The following PPM1L variants were observed in gnomAD, a reference collection of about 807,000 sequenced individuals.
PPM1L encodes the protein protein phosphatase 1L.
PPM1L carries 13 observed loss-of-function variants against 31.4 expected under a neutral mutation model. The ratio of observed to expected loss-of-function variants is 0.41; its 90% confidence interval spans 0.27 to 0.66. The LOEUF is 0.66. Among genes scored for constraint, PPM1L ranks in the 30% least tolerant of loss-of-function variants. PPM1L has a pLI of 0.29. For synonymous variants in PPM1L, 184 were observed against 175.4 expected, an observed-to-expected ratio of 1.05 and a Z score of -0.39; for missense variants, 326 against 453.7, an observed-to-expected ratio of 0.72 and a Z score of 2.56.
intron 2 of PPM1L, among the ~76,000 whole-genome samples, chr3:161,026,813 G>C (rs180981991): frequency 2.0e-5 from 3 of 151,052 alleles, no homozygotes; most frequent in Non-Finnish European, 4.4e-5. Context: ...ACAAGGTAAT[G>C]GGTGGTGAAC....
intron 1 of PPM1L, among the ~76,000 whole-genome samples, chr3:160,786,235 T>A (rs1310758189): frequency 1.3e-4 from 14 of 104,162 alleles, no homozygotes; most frequent in African/African-American, 6.0e-4. Flanking sequence ...TTTTTTTTTT[T>A]AAGACAGAGT....
At chr3:160,883,764 C>G (rs1479393192) in intron 1 of PPM1L, among the ~76,000 whole-genome samples, 1 of 150,878 alleles carries the variant, frequency 6.6e-6, no homozygotes, top group Non-Finnish European at 1.5e-5. Flanking sequence ...ATTCCCAGCA[C>G]TGCCACTGAC....
intron 1 of PPM1L, among the ~76,000 whole-genome samples, chr3:160,934,590 A>G (rs1247195410): frequency 1.3e-5 from 2 of 152,326 alleles, no homozygotes; most frequent in South Asian, 2.1e-4. Context: ...TATTTTATGC[A>G]TATATGGATT....
At chr3:161,026,358 C>T (rs1217111543) in intron 2 of PPM1L, among the ~76,000 whole-genome samples, 1 of 152,126 alleles carries the variant, frequency 6.6e-6, no homozygotes, top group Non-Finnish European at 1.5e-5. Context: ...CTGGGAAGAC[C>T]TCTCAGAAGA....
chr3:161,011,276 C>T (rs937408391), intron 2 of PPM1L, among the ~76,000 whole-genome samples: 2 of 152,164 alleles, frequency 1.3e-5, no homozygotes, highest in Admixed American at 1.3e-4. Context: ...AATACGGAAT[C>T]CTTTCCCCAT....
intron 1 of PPM1L, among the ~76,000 whole-genome samples, chr3:160,913,622 T>C (rs1714047353): frequency 6.6e-6 from 1 of 152,206 alleles, no homozygotes; most frequent in Admixed American, 6.5e-5. Context: ...ATTTGTCTTC[T>C]CTAGAATTTC....
chr3:160,947,150 A>T (rs1398279836), intron 1 of PPM1L, among the ~76,000 whole-genome samples: 1 of 152,212 alleles, frequency 6.6e-6, no homozygotes, highest in African/African-American at 2.4e-5. Context: ...CAGACTCTTC[A>T]TCATAAACCC....
At chr3:160,759,311 A>T (rs1028733225) in intron 1 of PPM1L, among the ~76,000 whole-genome samples, 1 of 152,228 alleles carries the variant, frequency 6.6e-6, no homozygotes, top group African/African-American at 2.4e-5. Context: ...AGACCATCAA[A>T]AACTAGGGCC....
At chr3:160,826,645 T>C (rs754899709) in intron 1 of PPM1L, among the ~76,000 whole-genome samples, 12 of 152,142 alleles carry the variant, frequency 7.9e-5, no homozygotes, top group Non-Finnish European at 1.5e-4. Flanking sequence ...GTGAAACAAA[T>C]TGTGGAAGTG....
chr3:160,820,877 A>C (rs1255289166), intron 1 of PPM1L, among the ~76,000 whole-genome samples: 1 of 152,066 alleles, frequency 6.6e-6, no homozygotes, highest in African/African-American at 2.4e-5. Flanking sequence ...CCTTGTGTAC[A>C]TATGCAAGAG....
intron 1 of PPM1L, among the ~76,000 whole-genome samples, chr3:160,830,349 C>G (rs189940097): frequency 1.2e-3 from 182 of 152,156 alleles, no homozygotes; most frequent in African/African-American, 3.8e-3. Context: ...AAAGAAAAAG[C>G]ATGTATATAG....
chr3:160,769,995 C>T (rs143466641), intron 1 of PPM1L, among the ~76,000 whole-genome samples: 1 of 152,054 alleles, frequency 6.6e-6, no homozygotes, highest in Non-Finnish European at 1.5e-5. Flanking sequence ...GGATGAAGTA[C>T]TTATCCTTCT....
chr3:160,974,897 T>C (rs578188664), intron 2 of PPM1L, among the ~76,000 whole-genome samples: 3,254 of 150,312 alleles, frequency 0.022, 122 homozygotes, highest in African/African-American at 0.075. Flanking sequence ...TTTGTCAATT[T>C]TGGCTTTTGT....
intron 1 of PPM1L, among the ~76,000 whole-genome samples, chr3:160,844,444 A>T (rs2108107754): frequency 6.6e-6 from 1 of 152,292 alleles, no homozygotes; most frequent in South Asian, 2.1e-4. Flanking sequence ...AGAATATTTA[A>T]CTTGTAGAGA....
In PPM1L at chr3:160,756,692, C is replaced by T. The variant is rs1012621253; in HGVS notation, c.384C>T (p.Asp128=). ...KTHPSIFGIF[D]GHGGETAAEY... ...ACCCGTCCATCTTCGGGATCTTCGA[C>T]GGGCACGGGGGAGAGGTAGGAGCTA... is the stretch of plus-strand genomic sequence containing the variant. The change falls in exon 1 of 4, where the codon GAC becomes GAT. Residue 128 remains aspartate, a synonymous_variant. Coordinates refer to ENST00000498165, the MANE Select transcript of PPM1L (RefSeq NM_139245.4). This position sits in a 1 kb window ranked among gnomAD's most constrained non-coding sequence, Gnocchi z 6.2. The T allele has an allele frequency of 1.9e-6, 3 of 1,613,160 alleles. No individual in the cohort carries two copies.
chr3:161,039,455 T>TA (rs1484227726), intron 2 of PPM1L, among the ~76,000 whole-genome samples: 8 of 152,224 alleles, frequency 5.3e-5, no homozygotes, highest in Non-Finnish European at 1.5e-5. Flanking sequence ...GAAGCTGTTC[T>TA]AGTGTTGGAA....
At chr3:160,989,371 C>T (rs1220814758) in intron 2 of PPM1L, among the ~76,000 whole-genome samples, 9 of 151,686 alleles carry the variant, frequency 5.9e-5, no homozygotes, top group African/African-American at 2.2e-4. Flanking sequence ...AAAAAAATAA[C>T]GATTATTTTA....
In PPM1L at chr3:161,076,963, T is replaced by A. The variant is rs1406271413; in HGVS notation, c.*7806T>A. The A allele has an allele frequency of 3.3e-5, 5 of 152,206 alleles. No homozygotes were observed. The highest frequency in any genetic ancestry group is 1.2e-4 in the African/African-American group (5 of 41,452). 9.4% of individuals were successfully genotyped at this position (152,206 alleles called of 1,614,324 possible). ...TATTATTGCTGTGTGTTTGTATATTTTATTCTTTCCTTTTTTGTGTGAGCA... is the reference window on the plus strand; with the variant it reads ...TATTATTGCTGTGTGTTTGTATATTATATTCTTTCCTTTTTTGTGTGAGCA... On this transcript the variant is annotated 3_prime_UTR_variant, in exon 4 of 4. Transcript: ENST00000498165.
At chr3:161,010,206 A>G (rs532394327) in intron 2 of PPM1L, among the ~76,000 whole-genome samples, 141 of 152,028 alleles carry the variant, frequency 9.3e-4, no homozygotes, top group African/African-American at 3.3e-3. Flanking sequence ...CCCGTGTCCA[A>G]GTGTTCTCAT....
Sources: gnomAD v4.1 joint callset for allele counts (sites outside exome capture counted in the v4.1 genomes callset) on GRCh38, gnomAD v4.1.1 for gene constraint, Gnocchi (gnomAD v3.1) non-coding constraint, MANE v1.5 for transcripts, NCBI Gene and HGNC (gene_info 2026-07-23, HGNC 2026-07-21) for gene names.